The following NRG3 variants were observed in gnomAD, a reference collection of about 807,000 sequenced individuals.
NRG3 encodes the protein pro-neuregulin-3, membrane-bound isoform.
NRG3 carries 31 observed loss-of-function variants against 66.9 expected under a neutral mutation model. That is an observed-to-expected ratio of 0.46 (90% CI 0.35 to 0.63). The LOEUF (loss-of-function observed/expected upper bound fraction) is 0.63. Ranked by LOEUF, NRG3 falls within the 20% of genes least tolerant of loss-of-function variation. NRG3 has a pLI of 0.00. For missense variants in NRG3, 910 were observed against 878.9 expected, an observed-to-expected ratio of 1.04 and a Z score of -0.45; for synonymous variants, 393 against 359.4, an observed-to-expected ratio of 1.09 and a Z score of -1.06.
At chr10:82,116,270 C>A (rs1405167952) in intron 1 of NRG3, among the ~76,000 whole-genome samples, 1 of 151,968 alleles carries the variant, frequency 6.6e-6, no homozygotes, top group Non-Finnish European at 1.5e-5. Flanking sequence ...AAGAAAAAAA[C>A]CCTTAAAAGG....
chr10:81,975,372 TC>T lies in NRG3; in HGVS notation c.823+99210del, dbSNP rs1718203837. On this transcript the variant is annotated intron_variant, in intron 1 of 8. Coordinates refer to ENST00000372141, the MANE Select transcript of NRG3 (RefSeq NM_001010848.4). ...ATCTATCTATCTATCTATCTATCTA[TC>T]TATTCATCCATCCATCCATCCCATG... Among the ~76,000 whole-genome samples, 4 of 151,810 alleles carry T rather than the reference TC, an allele frequency of 2.6e-5. No homozygotes were observed. The South Asian group carries it at 8.4e-4, about 32-fold the overall frequency.
In NRG3 at chr10:82,923,816, G is replaced by A. The variant is rs921692050; in HGVS notation, c.1055-27653G>A. On this transcript the variant is annotated intron_variant, in intron 4 of 8. Coordinates refer to ENST00000372141, the MANE Select transcript of NRG3 (RefSeq NM_001010848.4). ...CTTCTACCTGTGTGTGTGTGTGCACGCATATGTGCACTTGTTAAAGGTAGA... is the reference window on the plus strand; with the variant it reads ...CTTCTACCTGTGTGTGTGTGTGCACACATATGTGCACTTGTTAAAGGTAGA... Among the ~76,000 whole-genome samples the A allele has an allele frequency of 4.6e-5, 7 of 151,900 alleles. No homozygotes were observed. The East Asian group carries it at 5.8e-4, about 13-fold the overall frequency.
At chr10:82,163,503 C>T (rs893332410) in intron 1 of NRG3, among the ~76,000 whole-genome samples, 9 of 152,214 alleles carry the variant, frequency 5.9e-5, no homozygotes, top group East Asian at 1.9e-4. Context: ...CTTAGATTTT[C>T]GATTAGACAT....
chr10:82,836,054 A>C (rs2062759592), intron 3 of NRG3, among the ~76,000 whole-genome samples: 1 of 152,172 alleles, frequency 6.6e-6, no homozygotes, highest in Admixed American at 6.6e-5. Flanking sequence ...TTTTTAAAAA[A>C]TCAGAATAAT....
At chr10:82,347,878 T>G in intron 1 of NRG3, among the ~76,000 whole-genome samples, 1 of 151,824 alleles carries the variant, frequency 6.6e-6, no homozygotes, top group East Asian at 1.9e-4. Context: ...TATCAGAGAC[T>G]AGGATTGCAA....
At chr10:82,136,282 G>A (rs1080292) in intron 1 of NRG3, among the ~76,000 whole-genome samples, 106,499 of 152,032 alleles carry the variant, frequency 0.7, 38,133 homozygotes, top group Non-Finnish European at 0.8. Flanking sequence ...TTCAGACTTA[G>A]AGCCAGCATA....
At chr10:82,793,021 G>T (rs2060652832) in intron 3 of NRG3, among the ~76,000 whole-genome samples, 1 of 151,832 alleles carries the variant, frequency 6.6e-6, no homozygotes, top group South Asian at 2.1e-4. Context: ...TAAACTCAGA[G>T]TTTTCTTCTC....
chr10:82,730,673 GTTAA>G (rs1051848904), intron 2 of NRG3, among the ~76,000 whole-genome samples: 5 of 152,258 alleles, frequency 3.3e-5, no homozygotes, highest in Admixed American at 6.5e-5. Flanking sequence ...ATCTTCCTGT[GTTAA>G]TTAGTGTTCT....
intron 1 of NRG3, among the ~76,000 whole-genome samples, chr10:82,153,411 TTGTG>T (rs34783247): frequency 8.9e-5 from 13 of 146,624 alleles, no homozygotes; most frequent in Middle Eastern, 3.6e-3. Flanking sequence ...TAGTATTCCA[TTGTG>T]TGTGTGTGTG....
chr10:82,139,525 C>T (rs756298820), intron 1 of NRG3, among the ~76,000 whole-genome samples: 8 of 152,170 alleles, frequency 5.3e-5, no homozygotes, highest in South Asian at 2.1e-4. Flanking sequence ...ACAAGTAGCC[C>T]GTTAAGTCCT....
intron 7 of NRG3, among the ~76,000 whole-genome samples, chr10:82,978,115 C>T (rs1434090502): frequency 1.3e-5 from 2 of 152,098 alleles, no homozygotes. Context: ...AAGTTCTCCT[C>T]ACCAGTCTAC....
chr10:82,619,365 A>G (rs1427954815), intron 2 of NRG3, among the ~76,000 whole-genome samples: 2 of 152,206 alleles, frequency 1.3e-5, no homozygotes, highest in South Asian at 4.1e-4. Context: ...ACTCTAACCC[A>G]TACATTCTGC....
At chr10:82,667,991 A>G (rs1407721815) in intron 2 of NRG3, among the ~76,000 whole-genome samples, 1 of 152,232 alleles carries the variant, frequency 6.6e-6, no homozygotes, top group Non-Finnish European at 1.5e-5. Context: ...AGCTAAATTT[A>G]TACGTCAGTT....
At chr10:82,316,864 T>G (rs916772894) in intron 1 of NRG3, among the ~76,000 whole-genome samples, 13 of 152,154 alleles carry the variant, frequency 8.5e-5, no homozygotes, top group African/African-American at 3.1e-4. Context: ...CAAGAGAATC[T>G]TGGCAGGAGG....
chr10:82,198,385 A>G lies in NRG3; in HGVS notation c.824-160354A>G, dbSNP rs534975091. Among the ~76,000 whole-genome samples, 7 of 152,334 alleles carry G rather than the reference A, an allele frequency of 4.6e-5. No individual in the cohort carries two copies. The South Asian group carries it at 1.4e-3, about 32-fold the overall frequency. ...AGATGGTTTAAAACAAGAGAATCACATTTATATTGCTTGGCTGTCTTATTT... is the reference window on the plus strand; with the variant it reads ...AGATGGTTTAAAACAAGAGAATCACGTTTATATTGCTTGGCTGTCTTATTT... On this transcript the variant is annotated intron_variant, in intron 1 of 8. Transcript: ENST00000372141.
intron 2 of NRG3, among the ~76,000 whole-genome samples, chr10:82,697,069 A>G (rs929193341): frequency 3.9e-5 from 6 of 152,214 alleles, no homozygotes; most frequent in African/African-American, 1.4e-4. Flanking sequence ...AGATGCTGAT[A>G]TATAATGCTT....
intron 4 of NRG3, among the ~76,000 whole-genome samples, chr10:82,882,887 T>C (rs1338287828): frequency 1.3e-5 from 2 of 152,188 alleles, no homozygotes; most frequent in Admixed American, 6.5e-5. Context: ...CAGGTTTAAA[T>C]ACCTGACAAA....
chr10:82,529,449 A>G (rs1847043895), intron 2 of NRG3, among the ~76,000 whole-genome samples: 1 of 152,230 alleles, frequency 6.6e-6, no homozygotes, highest in African/African-American at 2.4e-5. Context: ...AATGCCTAGA[A>G]TAGTATAAAT....
intron 2 of NRG3, among the ~76,000 whole-genome samples, chr10:82,421,939 C>T (rs1272423859): frequency 6.6e-6 from 1 of 152,064 alleles, no homozygotes; most frequent in African/African-American, 2.4e-5. Flanking sequence ...TTCAAGTTGT[C>T]CAGGGAAAAT....
Sources: gnomAD v4.1 joint callset for allele counts (sites outside exome capture counted in the v4.1 genomes callset) on GRCh38, gnomAD v4.1.1 for gene constraint, MANE v1.5 for transcripts, NCBI Gene and HGNC (gene_info 2026-07-23, HGNC 2026-07-21) for gene names.